The following PREX2 variants were observed in gnomAD, a reference collection of about 807,000 sequenced individuals.
The protein encoded by PREX2 is phosphatidylinositol 3,4,5-trisphosphate-dependent Rac exchanger 2 protein.
PREX2 carries 107 observed loss-of-function variants against 203.2 expected under a neutral mutation model. The observed-to-expected ratio is 0.53, with a 90% CI of 0.45 to 0.62. The LOEUF is 0.62. Among genes scored for constraint, PREX2 ranks in the 20% least tolerant of loss-of-function variants. The pLI, the probability that PREX2 is intolerant of heterozygous loss-of-function variation, is 0.00. For missense variants in PREX2, 1,777 were observed against 1,955.9 expected (o/e 0.91, Z 1.72); for synonymous variants, 672 against 663.6 (o/e 1.01, Z -0.19).
chr8:68,122,500 C>G (rs977975149), intron 30 of PREX2, among the ~76,000 whole-genome samples: 31 of 152,146 alleles, frequency 2.0e-4, no homozygotes, highest in African/African-American at 7.5e-4. Context: ...TAAGTATATA[C>G]TTTACTGAGT....
At chr8:68,076,450 C>T (rs1031755752) in intron 14 of PREX2, among the ~76,000 whole-genome samples, 17 of 149,104 alleles carry the variant, frequency 1.1e-4, no homozygotes, top group Admixed American at 4.6e-4. Context: ...GAGTGAGACT[C>T]CATCTTAAAA....
At chr8:68,080,930 T>A in intron 17 of PREX2, 92 bp downstream of exon 17, 1 of 779,244 alleles carries the variant, frequency 1.3e-6, no homozygotes, top group Non-Finnish European at 2.2e-6. Context: ...TTAAAGATAA[T>A]CAGCCTTGAA....
At chr8:67,984,751 G>A (rs571189405) in intron 1 of PREX2, among the ~76,000 whole-genome samples, 7 of 152,246 alleles carry the variant, frequency 4.6e-5, no homozygotes, top group African/African-American at 9.6e-5. Context: ...GAGGACTCTC[G>A]AATGCACAAG....
intron 11 of PREX2, among the ~76,000 whole-genome samples, chr8:68,065,365 A>G (rs1272408033): frequency 6.6e-6 from 1 of 152,242 alleles, no homozygotes; most frequent in East Asian, 1.9e-4. Context: ...AACAAGTTGT[A>G]GAGTTTCACG....
chr8:68,182,810 A>G (rs1156933939), intron 35 of PREX2, among the ~76,000 whole-genome samples: 1 of 151,840 alleles, frequency 6.6e-6, no homozygotes, highest in African/African-American at 2.4e-5. Context: ...AGCACAAGGA[A>G]CAGGATGAGT....
chr8:67,983,625 A>C (rs951436574), intron 1 of PREX2, among the ~76,000 whole-genome samples: 1 of 152,212 alleles, frequency 6.6e-6, no homozygotes, highest in African/African-American at 2.4e-5. Flanking sequence ...TTCCAGCAGT[A>C]TCCTCTTCCT....
intron 11 of PREX2, among the ~76,000 whole-genome samples, chr8:68,063,276 T>G (rs2129611408): frequency 6.6e-6 from 1 of 152,314 alleles, no homozygotes; most frequent in South Asian, 2.1e-4. Context: ...CAAATTGGTT[T>G]AGCTTTTGTT....
chr8:68,089,082 G>A (rs549425081), intron 19 of PREX2, among the ~76,000 whole-genome samples: 44 of 152,268 alleles, frequency 2.9e-4, no homozygotes, highest in Admixed American at 2.1e-3. Context: ...GAGATTTCTC[G>A]TGTGGGTCAC....
chr8:68,061,853 C>T (rs1808865614), intron 11 of PREX2, among the ~76,000 whole-genome samples: 1 of 152,108 alleles, frequency 6.6e-6, no homozygotes, highest in South Asian at 2.1e-4. Context: ...CTCCTGGGAA[C>T]ACTGACAATG....
intron 14 of PREX2, among the ~76,000 whole-genome samples, chr8:68,073,715 C>T (rs1032142428): frequency 1.3e-5 from 2 of 152,052 alleles, no homozygotes; most frequent in African/African-American, 2.4e-5. Flanking sequence ...GTGTGTCATT[C>T]GAGCTGATTT....
Position 68,053,099 on chromosome 8 carries a change from G to A in PREX2, c.946G>A (p.Asp316Asn). The A allele has an allele frequency of 6.2e-7, 1 of 1,611,166 alleles. No individual in the cohort carries two copies. Residue 316 changes from aspartate to asparagine, a missense_variant and splice_region_variant, in exon 9 of 40, where the codon GAT becomes AAT. Physicochemically the swap from Asp to Asn is conservative, Grantham distance 23. Coordinates refer to ENST00000288368, the MANE Select transcript of PREX2 (RefSeq NM_024870.4). The part of the protein sequence containing the change: ...EVENVDDGTA[D>N]FHSSGHIVVN... ...TGCCTTTACCCATTAATTTACAGCT[G>A]ATTTCCATAGCAGTGGACACATTGT...
Position 68,115,537 on chromosome 8 carries a change from C to G in PREX2, c.3147-216C>G, listed in dbSNP as rs542763383. Among the ~76,000 whole-genome samples, 8 of 151,014 alleles carry G rather than the reference C, an allele frequency of 5.3e-5. No individual in the cohort carries two copies. The East Asian group carries it at 1.5e-3, about 29-fold the overall frequency. ...TGGCACAACCTGTATTTCAATGAAG[C>G]TTTCTGGTCTAAATTGTATGTTGTT... On this transcript the variant is annotated intron_variant, in intron 25 of 39. Transcript: ENST00000288368.
Position 68,019,685 on chromosome 8 carries a change from CT to C in PREX2, c.336+19del. ...TTTCTTCACTTTGTAGGATAAATTT[CT>C]TTTTATTTTAAAAGTTCTTTTCCCC... On this transcript the variant is annotated intron_variant, in intron 3 of 39. Coordinates refer to ENST00000288368, the MANE Select transcript of PREX2 (RefSeq NM_024870.4). 6.3e-6 allele frequency: 10 copies of C among 1,594,122 alleles called. No homozygotes were observed. Among genetic ancestry groups the C allele is most frequent in the Non-Finnish European group, 8.5e-6 (10 of 1,174,530 alleles).
At chr8:68,025,251 G>A (rs530726263) in intron 4 of PREX2, among the ~76,000 whole-genome samples, 1 of 151,468 alleles carries the variant, frequency 6.6e-6, no homozygotes, top group East Asian at 1.9e-4. Context: ...ATTTTTGAAG[G>A]ATAGTTTTAC....
chr8:68,135,307 A>G (rs1005736787), intron 32 of PREX2, among the ~76,000 whole-genome samples: 4 of 152,206 alleles, frequency 2.6e-5, no homozygotes, highest in African/African-American at 9.6e-5. Context: ...CTCAAAGAAT[A>G]TGAGAAAATA....
At chr8:68,214,714 A>G (rs1026978392) in intron 37 of PREX2, among the ~76,000 whole-genome samples, 1 of 152,200 alleles carries the variant, frequency 6.6e-6, no homozygotes, top group African/African-American at 2.4e-5. Flanking sequence ...AATAAAAGTG[A>G]CAGAAAAGTG....
At chr8:68,143,227 C>T (rs1026037684) in intron 33 of PREX2, among the ~76,000 whole-genome samples, 5 of 151,916 alleles carry the variant, frequency 3.3e-5, no homozygotes, top group African/African-American at 1.2e-4. Flanking sequence ...GTGATTGGAT[C>T]ATGGGGGTGG....
At chr8:68,076,566 A>G (rs1809355197) in intron 14 of PREX2, among the ~76,000 whole-genome samples, 1 of 152,082 alleles carries the variant, frequency 6.6e-6, no homozygotes. Flanking sequence ...ATGGAATAGA[A>G]GCCAGAGAGG....
chr8:67,980,786 CT>C (rs905923044), intron 1 of PREX2, among the ~76,000 whole-genome samples: 16 of 152,184 alleles, frequency 1.1e-4, no homozygotes, highest in Admixed American at 2.6e-4. Flanking sequence ...CTTGCTGCTG[CT>C]ATGTGAAGAA....
Sources: gnomAD v4.1 joint callset for allele counts (sites outside exome capture counted in the v4.1 genomes callset) on GRCh38, gnomAD v4.1.1 for gene constraint, MANE v1.5 for transcripts, NCBI Gene and HGNC (gene_info 2026-07-23, HGNC 2026-07-21) for gene names.